Variants in PITPNM2 observed in about 807,000 individuals in gnomAD.
PITPNM2 encodes the protein phosphatidylinositol transfer protein membrane associated 2.
In PITPNM2, 35 loss-of-function variants were observed where a neutral mutation model predicts 132.2. The ratio of observed to expected loss-of-function variants is 0.26; its 90% CI spans 0.20 to 0.35. The LOEUF (loss-of-function observed/expected upper bound fraction) is 0.35, where lower values mean the gene tolerates loss of function less well. Ranked by LOEUF, PITPNM2 falls within the 10% of genes least tolerant of loss-of-function variation. The probability of loss-of-function intolerance (pLI) is 1.00; values close to 1 mark genes in which losing one functional copy is unlikely to be tolerated. For synonymous variants in PITPNM2, 738 were observed against 799.2 expected (o/e 0.92, Z 1.29); for missense variants, 1,332 against 1,912.0 (o/e 0.70, Z 5.66).
In PITPNM2 at chr12:123,108,835, C is replaced by T. The variant is rs7132277; in HGVS notation, c.-96+1550G>A. Among the ~76,000 whole-genome samples the T allele has an allele frequency of 0.15, 22,440 of 151,996 alleles. 1,997 individuals carry two copies. The highest frequency in any genetic ancestry group is 0.27 in the Middle Eastern group (80 of 294). ...TATCTTCCCAGCAAGGATGAGGGCA[C>T]CCGGAGAAGGGAAGGGACTTACCCG... On this transcript the variant is annotated intron_variant, in intron 2 of 25. Coordinates refer to ENST00000320201, the MANE Select transcript of PITPNM2 (RefSeq NM_020845.3). This position sits in a 1 kb window ranked among gnomAD's most constrained non-coding sequence, Gnocchi z 4.4.
intron 1 of PITPNM2, among the ~76,000 whole-genome samples, chr12:123,130,955 C>T (rs2043249855): frequency 6.6e-6 from 1 of 152,108 alleles, no homozygotes; most frequent in Non-Finnish European, 1.5e-5. Flanking sequence ...GGGGATGATC[C>T]TGGTGCTGTC....
chr12:123,085,822 CA>C (rs1490954019), intron 2 of PITPNM2, among the ~76,000 whole-genome samples: 1 of 152,218 alleles, frequency 6.6e-6, no homozygotes, highest in Non-Finnish European at 1.5e-5. Context: ...GCTTAAAGCA[CA>C]GCGCAGAGGC....
At chr12:122,996,666 C>G in intron 12 of PITPNM2, 55 bp downstream of exon 12, 1 of 1,611,116 alleles carries the variant, frequency 6.2e-7, no homozygotes, top group East Asian at 2.2e-5. Flanking sequence ...CTGAGGCCAG[C>G]CCGCCCTACA....
At position 122,988,812 on chromosome 12, in the gene PITPNM2, A is replaced by G; in HGVS notation, c.2792T>C (p.Leu931Pro). ...CAGAGCCACCGTGGGGAAGGCCGTG[A>G]GGGCGTCAGGGCAGTACAGGGCGTA... ...IDYALYCPDA[L>P]TAFPTVALPH... Residue 931 changes from leucine (L) to proline (P), a missense_variant, in exon 19 of 26, where the codon CTC (leucine) becomes CCC (proline). Around this residue, in one of 6 missense-constraint regions of PITPNM2, gnomAD observed 251 missense variants for 472.0 expected, o/e 0.53. Coordinates refer to ENST00000320201, the MANE Select transcript of PITPNM2 (RefSeq NM_020845.3). 6.3e-7 allele frequency: 1 copy of G among 1,585,338 alleles called. No individual in the cohort carries two copies. The highest frequency in any genetic ancestry group is 1.2e-5 in the South Asian group (1 of 86,730).
chr12:123,084,161 A>G (rs948903153), intron 2 of PITPNM2: 9 of 152,534 alleles, frequency 5.9e-5, no homozygotes, highest in African/African-American at 2.2e-4. Context: ...TGACCCCAGA[A>G]GGGCTCAGCT....
intron 3 of PITPNM2, among the ~76,000 whole-genome samples, chr12:123,018,529 A>T (rs2039537086): frequency 1.3e-5 from 2 of 151,486 alleles, no homozygotes; most frequent in South Asian, 4.2e-4. Flanking sequence ...CAAACTCCTG[A>T]CCCCAAGTGA....
intron 3 of PITPNM2, among the ~76,000 whole-genome samples, chr12:123,025,457 A>G (rs948582843): frequency 6.7e-6 from 1 of 149,296 alleles, no homozygotes; most frequent in Non-Finnish European, 1.5e-5. Flanking sequence ...TTTTGAGACA[A>G]AGTTTCGCTC....
intron 1 of PITPNM2, among the ~76,000 whole-genome samples, chr12:123,138,509 A>G (rs2043431519): frequency 6.6e-6 from 1 of 152,228 alleles, no homozygotes; most frequent in Non-Finnish European, 1.5e-5. Flanking sequence ...GGAATGAAGT[A>G]CTGATCCATG....
At chr12:123,066,928 G>C (rs1225467800) in intron 2 of PITPNM2, among the ~76,000 whole-genome samples, 1 of 152,132 alleles carries the variant, frequency 6.6e-6, no homozygotes, top group African/African-American at 2.4e-5. Context: ...CACACTCCCC[G>C]GCCAGTGCAG....
rs1319047629 is a variant in PITPNM2 at position 123,111,446 on chromosome 12, T to C, written c.-199-958A>G. On this transcript the variant is annotated intron_variant, in intron 1 of 25. Transcript: ENST00000320201. This position sits in a 1 kb window ranked among gnomAD's most constrained non-coding sequence, Gnocchi z 4.1. ...TCCTCAGACACCAGTCCATGCCCGC[T>C]AGGGGCAAGCACAGCCCTAACAAAG... Among the ~76,000 whole-genome samples the C allele has an allele frequency of 6.6e-6, 1 of 152,198 alleles. No homozygotes were observed. The highest frequency in any genetic ancestry group is 2.4e-5 in the African/African-American group (1 of 41,442).
In PITPNM2 at chr12:122,993,780, T is replaced by A. The variant is rs2038299420; in HGVS notation, c.2233+1021A>T. Among the ~76,000 whole-genome samples the A allele has an allele frequency of 6.6e-6, 1 of 152,224 alleles. No homozygotes were observed. The highest frequency in any genetic ancestry group is 1.5e-5 in the Non-Finnish European group (1 of 68,040). ...GGCTGCCTTGGTTGTTGGGGTCCCC[T>A]TAAAGCTACCCATTTCTCTTCCTGG... On this transcript the variant is annotated intron_variant, in intron 15 of 25. Coordinates refer to ENST00000320201, the MANE Select transcript of PITPNM2 (RefSeq NM_020845.3). This position sits in a 1 kb window ranked among gnomAD's most constrained non-coding sequence, Gnocchi z 5.2.
chr12:123,113,146 G>A (rs1032874773), intron 1 of PITPNM2, among the ~76,000 whole-genome samples: 3 of 152,232 alleles, frequency 2.0e-5, no homozygotes, highest in Non-Finnish European at 4.4e-5. Flanking sequence ...CACGTCTCAG[G>A]CTGGCCCTTG....
At chr12:122,996,937 G>T in intron 11 of PITPNM2, 27 bp from the exon 12 acceptor site, 1 of 1,541,122 alleles carries the variant, frequency 6.5e-7, no homozygotes, top group African/African-American at 1.4e-5. Flanking sequence ...GTCAAGAGAG[G>T]GCAGGCGGCT....
In PITPNM2 at chr12:122,987,548, G is replaced by C; in HGVS notation, c.3226C>G (p.Leu1076Val). 2 of 1,613,874 alleles carry C rather than the reference G, an allele frequency of 1.2e-6. No homozygotes were observed. Among genetic ancestry groups the C allele is most frequent in the Non-Finnish European group, 1.7e-6 (2 of 1,179,922 alleles). ...TTGATAGGGTAGACACCCACGCCCA[G>C]GCGGTGCGACTCAGGGATGGTGTAG... ...VSYTIPESHR[L>V]GVGVYPIKMV... Residue 1076 changes from leucine to valine, a missense_variant, in exon 22 of 26, where the codon CTG (leucine) becomes GTG (valine). Leu to Val is a conservative substitution (Grantham distance 32). Around this residue, in one of 6 missense-constraint regions of PITPNM2, gnomAD observed 251 missense variants for 472.0 expected, o/e 0.53. Transcript: ENST00000320201.
intron 19 of PITPNM2, 139 bp downstream of exon 19, chr12:122,988,585 A>G: frequency 1.1e-6 from 1 of 934,898 alleles, no homozygotes; most frequent in Non-Finnish European, 1.6e-6. Context: ...ACCCGAGCAT[A>G]AAGGTGCCCT....
At chr12:123,145,081 G>A (rs1332676982) in intron 1 of PITPNM2, among the ~76,000 whole-genome samples, 1 of 152,108 alleles carries the variant, frequency 6.6e-6, no homozygotes, top group East Asian at 1.9e-4. Context: ...GGAGGCTGAG[G>A]CAGGAGGATC....
In PITPNM2 at chr12:122,993,336, T is replaced by C. The variant is rs964936910; in HGVS notation, c.2234-667A>G. On this transcript the variant is annotated intron_variant, in intron 15 of 25. Transcript: ENST00000320201. The surrounding 1 kb of genome is among the most constrained non-coding windows in gnomAD (Gnocchi z 5.2). ...GGAAAATGTTTCCCCTTCTGTCAAA[T>C]GGGGCAGCAGTTCCAACCACGTCAT... 6.6e-6 allele frequency among the ~76,000 whole-genome samples: 1 copy of C among 152,148 alleles called. No homozygotes were observed. The highest frequency in any genetic ancestry group is 2.4e-5 in the African/African-American group (1 of 41,432).
intron 3 of PITPNM2, among the ~76,000 whole-genome samples, chr12:123,026,373 C>A (rs755710588): frequency 7.2e-5 from 11 of 152,244 alleles, no homozygotes; most frequent in African/African-American, 2.7e-4. Flanking sequence ...ACCCGTAGAA[C>A]CTTTGGAGGA....
Position 122,988,289 on chromosome 12 carries a change from G to A in PITPNM2, c.2942C>T (p.Thr981Ile), listed in dbSNP as rs2136050609. 1 of 1,613,474 alleles carries A rather than the reference G, an allele frequency of 6.2e-7. No homozygotes were observed. The highest frequency in any genetic ancestry group is 8.5e-7 in the Non-Finnish European group (1 of 1,180,016). ...ELDGKEVSVF[T>I]PSKPREKWQR... ...CCACTTCTCCCTTGGCTTTGAGGGG[G>A]TGAACACCGACACTTCCTTGCCATC... The change falls in exon 20 of 26, where the codon ACC becomes ATC. Residue 981 changes from threonine to isoleucine, a missense_variant. Transcript: ENST00000320201.
Sources: allele counts gnomAD v4.1 joint callset (sites outside exome capture counted in the v4.1 genomes callset), GRCh38; gene constraint gnomAD v4.1.1; regional missense constraint gnomAD v4.1.1; non-coding constraint Gnocchi (gnomAD v3.1); transcripts MANE v1.5; gene names NCBI Gene and HGNC (gene_info 2026-07-23, HGNC 2026-07-21).